DAAM1: variants seen among roughly 807,000 people sequenced by gnomAD.
DAAM1 encodes disheveled-associated activator of morphogenesis 1.
A neutral mutation model predicts 130.0 loss-of-function variants in DAAM1; 52 were observed. The ratio of observed to expected loss-of-function variants is 0.40; its 90% CI spans 0.32 to 0.50. DAAM1 has a LOEUF of 0.50. Ranked by LOEUF, DAAM1 falls within the 20% of genes least tolerant of loss-of-function variation. The pLI, the probability that DAAM1 is intolerant of heterozygous loss-of-function variation, is 0.61. For missense variants in DAAM1, 1,134 were observed against 1,303.8 expected (o/e 0.87, Z 2.01); for synonymous variants, 452 against 444.5 (o/e 1.02, Z -0.21).
At chr14:59,287,158 C>T (rs1321863008) in intron 2 of DAAM1, among the ~76,000 whole-genome samples, 1 of 152,096 alleles carries the variant, frequency 6.6e-6, no homozygotes, top group Non-Finnish European at 1.5e-5. Flanking sequence ...CGTGATTCAC[C>T]ACATAAACAG....
intron 3 of DAAM1, among the ~76,000 whole-genome samples, chr14:59,302,148 G>A (rs1884197876): frequency 6.6e-6 from 1 of 152,118 alleles, no homozygotes; most frequent in Non-Finnish European, 1.5e-5. Flanking sequence ...TCCAAAATTT[G>A]AAACAATTCC....
intron 1 of DAAM1, among the ~76,000 whole-genome samples, chr14:59,195,475 A>G (rs1462324854): frequency 6.6e-6 from 1 of 151,896 alleles, no homozygotes; most frequent in African/African-American, 2.4e-5. Flanking sequence ...TATGTCATTC[A>G]CCTTTAGTAA....
At chr14:59,212,552 A>G (rs1431405310) in intron 1 of DAAM1, among the ~76,000 whole-genome samples, 1 of 152,162 alleles carries the variant, frequency 6.6e-6, no homozygotes, top group East Asian at 1.9e-4. Context: ...AATACAGGAG[A>G]CATGTTCTTC....
rs924487724 is a variant in DAAM1 at position 59,285,034 on chromosome 14, G to T, written c.184-6183G>T. 7.9e-5 allele frequency among the ~76,000 whole-genome samples: 12 copies of T among 152,028 alleles called. 1 individual carries two copies. The highest frequency in any genetic ancestry group is 7.2e-4 in the Admixed American group (11 of 15,242). ...CAGATTCTCCAAGGTCAATGAAAAA[G>T]AAAAATCTTAAAGGCAGCTAGAGAG... On this transcript the variant is annotated intron_variant, in intron 2 of 24. Coordinates refer to ENST00000360909, the MANE Select transcript of DAAM1 (RefSeq NM_001270520.2).
At chr14:59,261,978 A>C (rs1056604772) in intron 1 of DAAM1, among the ~76,000 whole-genome samples, 2 of 152,048 alleles carry the variant, frequency 1.3e-5, no homozygotes, top group African/African-American at 4.8e-5. Context: ...GCCTTGTTCT[A>C]CCACCTTCCC....
At chr14:59,360,900 C>G in intron 22 of DAAM1, 38 bp downstream of exon 22, 1 of 1,593,808 alleles carries the variant, frequency 6.3e-7, no homozygotes, top group Non-Finnish European at 8.6e-7. Context: ...TTCCTGGTCT[C>G]TTCACTATCT....
At chr14:59,287,641 G>A (rs910544339) in intron 2 of DAAM1, among the ~76,000 whole-genome samples, 7 of 151,984 alleles carry the variant, frequency 4.6e-5, no homozygotes, top group Admixed American at 1.3e-4. Flanking sequence ...TAACATTCAA[G>A]TTCAGACCTA....
At chr14:59,302,607 C>T (rs1028942177) in intron 3 of DAAM1, among the ~76,000 whole-genome samples, 7 of 152,188 alleles carry the variant, frequency 4.6e-5, no homozygotes, top group Middle Eastern at 3.4e-3. Context: ...CAGTGGTTCT[C>T]GACTCCCACA....
intron 14 of DAAM1, 102 bp from the exon 15 acceptor site, chr14:59,331,711 G>T: frequency 6.6e-7 from 1 of 1,504,754 alleles, no homozygotes; most frequent in Admixed American, 2.2e-5. Flanking sequence ...TGAGTGTCTG[G>T]TAGACTGAAA....
intron 3 of DAAM1, among the ~76,000 whole-genome samples, chr14:59,297,698 G>A (rs1411840039): frequency 6.6e-6 from 1 of 152,182 alleles, no homozygotes; most frequent in African/African-American, 2.4e-5. Flanking sequence ...TTTTGACAAA[G>A]AGAGAGACCG....
At chr14:59,345,465 G>A (rs1251707830) in intron 16 of DAAM1, among the ~76,000 whole-genome samples, 3 of 152,178 alleles carry the variant, frequency 2.0e-5, no homozygotes, top group Non-Finnish European at 4.4e-5. Flanking sequence ...GAAGAGAATG[G>A]TATGAGTACA....
chr14:59,327,867 C>A (rs561809804), intron 12 of DAAM1, among the ~76,000 whole-genome samples: 7 of 152,292 alleles, frequency 4.6e-5, no homozygotes, highest in African/African-American at 7.2e-5. Flanking sequence ...TTGATATTAT[C>A]TCTTAGTATC....
At chr14:59,214,993 CAT>C (rs929127160) in intron 1 of DAAM1, among the ~76,000 whole-genome samples, 3 of 152,222 alleles carry the variant, frequency 2.0e-5, no homozygotes, top group Admixed American at 6.5e-5. Context: ...CTCCATATCT[CAT>C]GTGTTTTTTA....
intron 21 of DAAM1, 150 bp from the exon 22 acceptor site, chr14:59,360,652 T>G (rs189164062): frequency 3.1e-5 from 16 of 514,604 alleles, no homozygotes; most frequent in African/African-American, 2.2e-4. Context: ...AAAATACTGT[T>G]GTCTTTCTTT....
At chr14:59,261,168 G>T (rs1882144082) in intron 1 of DAAM1, among the ~76,000 whole-genome samples, 1 of 152,038 alleles carries the variant, frequency 6.6e-6, no homozygotes, top group African/African-American at 2.4e-5. Flanking sequence ...TCATGCCTTT[G>T]CTTGTACTGT....
At chr14:59,344,183 T>G (rs1885972430) in intron 16 of DAAM1, among the ~76,000 whole-genome samples, 1 of 152,112 alleles carries the variant, frequency 6.6e-6, no homozygotes, top group South Asian at 2.1e-4. Context: ...GCAGCCTGGG[T>G]GTAGTAAACC....
At chr14:59,302,442 C>T (rs1231839884) in intron 3 of DAAM1, among the ~76,000 whole-genome samples, 3 of 152,116 alleles carry the variant, frequency 2.0e-5, no homozygotes, top group Non-Finnish European at 2.9e-5. Flanking sequence ...TTTTCCCTCT[C>T]AAGTAGGGGT....
intron 6 of DAAM1, among the ~76,000 whole-genome samples, 188 bp from the exon 7 acceptor site, chr14:59,323,940 G>A (rs61984495): frequency 0.23 from 34,242 of 151,718 alleles, 4,637 homozygotes; most frequent in African/African-American, 0.37. Context: ...GCTGAGGCAA[G>A]AGAATGGCGT....
chr14:59,309,538 C>A (rs932021992), intron 3 of DAAM1, among the ~76,000 whole-genome samples: 1 of 152,262 alleles, frequency 6.6e-6, no homozygotes, highest in South Asian at 2.1e-4. Flanking sequence ...GCTAATTTGG[C>A]CAGTCACTTG....
Sources: allele counts gnomAD v4.1 joint callset (sites outside exome capture counted in the v4.1 genomes callset), GRCh38; gene constraint gnomAD v4.1.1; transcripts MANE v1.5; gene names NCBI Gene and HGNC (gene_info 2026-07-23, HGNC 2026-07-21).